Variants in CADM1 observed in about 807,000 individuals in gnomAD.
The protein encoded by CADM1 is TSLC-1.
Under a neutral mutation model 53.1 loss-of-function variants are expected in CADM1, and 15 were observed. The observed-to-expected ratio is 0.28, with a 90% confidence interval of 0.19 to 0.44. CADM1 has a LOEUF of 0.44. CADM1 is among the 20% of genes least tolerant of loss of function. CADM1 has a pLI of 1.00. For missense variants in CADM1, 434 were observed against 611.3 expected (o/e 0.71, Z 3.06); for synonymous variants, 281 against 243.0 (o/e 1.16, Z -1.45).
At chr11:115,265,683 G>A (rs1324255064) in intron 1 of CADM1, among the ~76,000 whole-genome samples, 12 of 152,142 alleles carry the variant, frequency 7.9e-5, no homozygotes, top group Admixed American at 6.5e-4. Context: ...AGTTCACTGG[G>A]TTAATCCAAA....
chr11:115,299,533 C>T lies in CADM1; in HGVS notation c.125-59113G>A, dbSNP rs189677324. 7.8e-4 allele frequency among the ~76,000 whole-genome samples: 119 copies of T among 152,178 alleles called. 1 individual carries two copies. The South Asian group carries it at 0.012, about 15-fold the overall frequency. On this transcript the variant is annotated intron_variant, in intron 1 of 11. Coordinates refer to ENST00000331581, the MANE Select transcript of CADM1 (RefSeq NM_001301043.2). ...GGCAAGACCAGACACCAATACGCAT[C>T]ATGGTGGAAAGATGTTTAAAAGGTA...
At chr11:115,302,930 T>C (rs764632914) in intron 1 of CADM1, among the ~76,000 whole-genome samples, 3 of 152,060 alleles carry the variant, frequency 2.0e-5, no homozygotes, top group East Asian at 1.9e-4. Flanking sequence ...ACATTACCAG[T>C]TGCAATTACA....
rs1565299183 is a variant in CADM1, at chr11:115,209,589, G to GGGT, written c.1062_1063insACC (p.Ile354_Leu355insThr). On this transcript the variant is annotated inframe_insertion, in exon 8 of 12. Transcript: ENST00000331581. ...GATACCATACCTGTGATGATGGTAAGGATGGTGGTGGTGGTGGTGGTGGTG... is the reference window on the plus strand; with the variant it reads ...GATACCATACCTGTGATGATGGTAAGGGTGATGGTGGTGGTGGTGGTGGTGGTG... 6.2e-7 allele frequency: 1 copy of GGGT among 1,610,142 alleles called. No homozygotes were observed. Among genetic ancestry groups the GGGT allele is most frequent in the African/African-American group, 1.3e-5 (1 of 74,368 alleles).
In CADM1 at chr11:115,174,636, CT is replaced by C. The variant is rs1352483358; in HGVS notation, c.*1837del. On this transcript the variant is annotated 3_prime_UTR_variant, in exon 12 of 12. Transcript: ENST00000331581. ...GTTTTCAAATAACAAAGAGTTGACA[CT>C]TTTTCCCCCTTAAATAAATCAGCAT... 11 of 984,474 alleles carry C rather than the reference CT, an allele frequency of 1.1e-5. No homozygotes were observed. Among genetic ancestry groups the C allele is most frequent in the Admixed American group, 6.2e-5 (1 of 16,260 alleles). 61.0% of individuals were successfully genotyped at this position (984,474 alleles called of 1,614,324 possible).
chr11:115,428,764 T>C (rs999749233), intron 1 of CADM1, among the ~76,000 whole-genome samples: 1 of 111,828 alleles, frequency 8.9e-6, no homozygotes, highest in African/African-American at 3.3e-5. Flanking sequence ...GAAAAAAAAC[T>C]AGCAGTGTGT....
At chr11:115,245,006 C>T (rs1234377055) in intron 1 of CADM1, among the ~76,000 whole-genome samples, 1 of 152,086 alleles carries the variant, frequency 6.6e-6, no homozygotes, top group Non-Finnish European at 1.5e-5. Flanking sequence ...TCATTTACAC[C>T]GGGGGAGTCT....
chr11:115,189,979 G>C (rs185180912), intron 10 of CADM1, among the ~76,000 whole-genome samples: 27 of 152,292 alleles, frequency 1.8e-4, no homozygotes, highest in African/African-American at 6.3e-4. Context: ...CAGACTTATA[G>C]TTAAGGACTG....
chr11:115,401,030 A>C (rs1947139648), intron 1 of CADM1, among the ~76,000 whole-genome samples: 2 of 152,272 alleles, frequency 1.3e-5, no homozygotes, highest in South Asian at 4.2e-4. Flanking sequence ...TGTCCACACA[A>C]AAACCCGCAC....
At chr11:115,341,249 CG>C (rs1945438615) in intron 1 of CADM1, among the ~76,000 whole-genome samples, 1 of 151,998 alleles carries the variant, frequency 6.6e-6, no homozygotes, top group Non-Finnish European at 1.5e-5. Context: ...TTTCTGTTGC[CG>C]GCACTAAGTA....
At chr11:115,178,559 T>G in intron 11 of CADM1, 85 bp downstream of exon 11, 1 of 1,251,328 alleles carries the variant, frequency 8.0e-7, no homozygotes, top group Non-Finnish European at 1.1e-6. Context: ...ATACATCAAA[T>G]TGCCTATCAA....
At chr11:115,401,468 C>T (rs1336532878) in intron 1 of CADM1, among the ~76,000 whole-genome samples, 4 of 152,172 alleles carry the variant, frequency 2.6e-5, no homozygotes, top group African/African-American at 9.7e-5. Context: ...TTTAGCCAGG[C>T]ATGGTGGCGC....
At chr11:115,305,650 C>T (rs952583913) in intron 1 of CADM1, among the ~76,000 whole-genome samples, 2 of 151,878 alleles carry the variant, frequency 1.3e-5, no homozygotes, top group Admixed American at 6.6e-5. Flanking sequence ...CTAGCTCCCT[C>T]CTCCCCTCTG....
At chr11:115,321,001 T>G (rs1054072801) in intron 1 of CADM1, among the ~76,000 whole-genome samples, 2 of 152,200 alleles carry the variant, frequency 1.3e-5, no homozygotes, top group African/African-American at 2.4e-5. Flanking sequence ...TCCACATAGT[T>G]CATACTTTTA....
At chr11:115,453,143 G>A (rs950735414) in intron 1 of CADM1, among the ~76,000 whole-genome samples, 2 of 152,158 alleles carry the variant, frequency 1.3e-5, no homozygotes, top group Admixed American at 6.5e-5. Flanking sequence ...TTGGGAGACT[G>A]AGGCAGGCAG....
chr11:115,362,968 A>G (rs908727511), intron 1 of CADM1, among the ~76,000 whole-genome samples: 1 of 152,200 alleles, frequency 6.6e-6, no homozygotes, highest in African/African-American at 2.4e-5. Flanking sequence ...ACAGAAATAT[A>G]GAGCAAAGCT....
chr11:115,453,233 C>T (rs10891855), intron 1 of CADM1, among the ~76,000 whole-genome samples: 42,149 of 151,542 alleles, frequency 0.28, 6,641 homozygotes, highest in Non-Finnish European at 0.37. Flanking sequence ...AAAAATTAGT[C>T]GGGTGTGGTG....
At chr11:115,328,660 C>A in intron 1 of CADM1, among the ~76,000 whole-genome samples, 1 of 72,294 alleles carries the variant, frequency 1.4e-5, no homozygotes, top group African/African-American at 4.8e-5. Context: ...TATATACACA[C>A]GCACACTATA....
intron 1 of CADM1, among the ~76,000 whole-genome samples, chr11:115,289,891 G>C (rs1021695316): frequency 2.0e-5 from 3 of 152,018 alleles, no homozygotes; most frequent in Non-Finnish European, 4.4e-5. Context: ...CACCGCGCCC[G>C]GCCCTGAATT....
At chr11:115,190,667 GTTAA>G (rs1181109898) in intron 10 of CADM1, 2 of 544,246 alleles carry the variant, frequency 3.7e-6, no homozygotes, top group African/African-American at 1.9e-5. Flanking sequence ...CCTCTCCTGC[GTTAA>G]TTAAATTGTC....
Sources: allele counts gnomAD v4.1 joint callset (sites outside exome capture counted in the v4.1 genomes callset), GRCh38; gene constraint gnomAD v4.1.1; transcripts MANE v1.5; gene names NCBI Gene and HGNC (gene_info 2026-07-23, HGNC 2026-07-21).